The following CNTNAP2 variants were observed in gnomAD, a reference collection of about 807,000 sequenced individuals.
CNTNAP2 encodes the protein contactin-associated protein-like 2.
CNTNAP2 carries 98 observed loss-of-function variants against 155.2 expected under a neutral mutation model. The ratio of observed to expected loss-of-function variants is 0.63; its 90% CI spans 0.54 to 0.75. The LOEUF is 0.75. Ranked by LOEUF, CNTNAP2 falls within the 30% of genes least tolerant of loss-of-function variation. CNTNAP2 has a pLI of 0.00. For synonymous variants in CNTNAP2, 651 were observed against 631.2 expected, an observed-to-expected ratio of 1.03 and a Z score of -0.47; for missense variants, 1,727 against 1,688.1, an observed-to-expected ratio of 1.02 and a Z score of -0.40.
chr7:146,337,914 A>G (rs187593130), intron 1 of CNTNAP2, among the ~76,000 whole-genome samples: 1 of 152,354 alleles, frequency 6.6e-6, no homozygotes, highest in Non-Finnish European at 1.5e-5. Context: ...ACAGCCAAAG[A>G]CAGGTATTTG....
chr7:146,640,972 A>G lies in CNTNAP2; in HGVS notation c.98-133299A>G, dbSNP rs73166325. ...TTAGGGAGAAAATGCCTAAAATGTG[A>G]ATAAGTAAAAGCCTAACAAGAAATA... On this transcript the variant is annotated intron_variant, in intron 1 of 23. Coordinates refer to ENST00000361727, the MANE Select transcript of CNTNAP2 (RefSeq NM_014141.6). Among the ~76,000 whole-genome samples the G allele has an allele frequency of 4.6e-3, 695 of 152,302 alleles. 4 individuals are homozygous for G. Among genetic ancestry groups the G allele is most frequent in the Non-Finnish European group, 8.0e-3 (543 of 68,010 alleles).
At chr7:147,425,476 T>C (rs994136469) in intron 10 of CNTNAP2, among the ~76,000 whole-genome samples, 2 of 137,918 alleles carry the variant, frequency 1.5e-5, no homozygotes, top group African/African-American at 6.0e-5. Context: ...TCAACTCTCC[T>C]GAAAAACCCC....
At chr7:146,830,024 G>C (rs559596517) in intron 2 of CNTNAP2, among the ~76,000 whole-genome samples, 1 of 151,946 alleles carries the variant, frequency 6.6e-6, no homozygotes, top group South Asian at 2.1e-4. Context: ...TAACAAAAAT[G>C]AATATTTTTG....
chr7:147,189,788 A>G (rs1260764707), intron 8 of CNTNAP2, among the ~76,000 whole-genome samples: 4 of 152,088 alleles, frequency 2.6e-5, no homozygotes, highest in African/African-American at 7.2e-5. Context: ...TCTGTCGCCC[A>G]GGCTGGAGTG....
intron 14 of CNTNAP2, among the ~76,000 whole-genome samples, chr7:147,916,887 C>A (rs1395738039): frequency 6.6e-6 from 1 of 152,104 alleles, no homozygotes; most frequent in Non-Finnish European, 1.5e-5. Context: ...CCTCCCATTA[C>A]CCCCTCTTGA....
intron 8 of CNTNAP2, among the ~76,000 whole-genome samples, chr7:147,227,934 G>A (rs1803585596): frequency 6.6e-6 from 1 of 152,274 alleles, no homozygotes; most frequent in Admixed American, 6.5e-5. Flanking sequence ...GAAAGTCTGA[G>A]GCTGATCTTC....
intron 3 of CNTNAP2, among the ~76,000 whole-genome samples, chr7:146,870,116 C>A (rs540993922): frequency 8.5e-5 from 13 of 152,052 alleles, no homozygotes; most frequent in African/African-American, 3.1e-4. Flanking sequence ...GGGAGGAGTT[C>A]TCCCTCCTCA....
intron 14 of CNTNAP2, among the ~76,000 whole-genome samples, chr7:147,909,788 G>A (rs1444958157): frequency 6.6e-6 from 1 of 152,130 alleles, no homozygotes; most frequent in Non-Finnish European, 1.5e-5. Flanking sequence ...CATTGCGTGA[G>A]TACCCTTCTC....
intron 22 of CNTNAP2, among the ~76,000 whole-genome samples, chr7:148,385,731 G>A (rs980282486): frequency 7.2e-6 from 1 of 139,062 alleles, no homozygotes; most frequent in African/African-American, 2.7e-5. Flanking sequence ...CTTTGAGTGT[G>A]ACAGGTTTTT....
intron 21 of CNTNAP2, among the ~76,000 whole-genome samples, chr7:148,329,380 G>T (rs141608859): frequency 1.6e-4 from 25 of 152,300 alleles, no homozygotes; most frequent in African/African-American, 5.5e-4. Context: ...TTCACTGTTT[G>T]TTCATTCCTC....
At chr7:146,162,946 G>C (rs1254440353) in intron 1 of CNTNAP2, among the ~76,000 whole-genome samples, 2 of 152,104 alleles carry the variant, frequency 1.3e-5, no homozygotes, top group East Asian at 3.9e-4. Context: ...TCATAGGTGG[G>C]AATTGAACAA....
chr7:148,091,509 C>T lies in CNTNAP2; in HGVS notation c.2384-26609C>T, dbSNP rs145251972. Among the ~76,000 whole-genome samples the T allele has an allele frequency of 4.9e-3, 739 of 152,138 alleles. 1 individual carries two copies. The highest frequency in any genetic ancestry group is 9.4e-3 in the Admixed American group (143 of 15,280). On this transcript the variant is annotated intron_variant, in intron 15 of 23. Coordinates refer to ENST00000361727, the MANE Select transcript of CNTNAP2 (RefSeq NM_014141.6). ...TGGCTGATGTATGGTCCAGAGAAGG[C>T]GATGCATATGGGACAAAATCATGAA...
rs1246367913 is a variant in CNTNAP2, at chr7:147,526,160, C to A, written c.1778-35978C>A. On this transcript the variant is annotated intron_variant, in intron 11 of 23. Transcript: ENST00000361727. ...TGAGCCGAGATCACCCCACTGCACT[C>A]CAGCCTGGGAGACAGAGTGAGACTC... 3.5e-4 allele frequency among the ~76,000 whole-genome samples: 53 copies of A among 149,954 alleles called. 1 individual carries two copies. The highest frequency in any genetic ancestry group is 4.4e-5 in the Non-Finnish European group (3 of 67,652).
chr7:146,925,667 T>C (rs1374301859), intron 3 of CNTNAP2, among the ~76,000 whole-genome samples: 1 of 152,094 alleles, frequency 6.6e-6, no homozygotes, highest in Non-Finnish European at 1.5e-5. Flanking sequence ...TCAGAGCAAA[T>C]AACATTAAAA....
intron 3 of CNTNAP2, among the ~76,000 whole-genome samples, chr7:146,952,656 C>G (rs913599142): frequency 3.9e-5 from 6 of 152,108 alleles, no homozygotes; most frequent in Admixed American, 3.9e-4. Context: ...AGAGCCAAAT[C>G]ATGAGTGAAC....
At chr7:146,952,852 C>T (rs1797350288) in intron 3 of CNTNAP2, among the ~76,000 whole-genome samples, 1 of 151,904 alleles carries the variant, frequency 6.6e-6, no homozygotes, top group African/African-American at 2.4e-5. Context: ...ATTTTCATTC[C>T]TCTAGTACAA....
At chr7:146,665,728 C>T (rs1256639713) in intron 1 of CNTNAP2, among the ~76,000 whole-genome samples, 1 of 134,192 alleles carries the variant, frequency 7.5e-6, no homozygotes, top group Admixed American at 7.9e-5. Context: ...TGGCAGTGAG[C>T]CGAGACTGTG....
chr7:147,280,265 C>G (rs1805002875), intron 8 of CNTNAP2, among the ~76,000 whole-genome samples: 1 of 151,800 alleles, frequency 6.6e-6, no homozygotes, highest in Non-Finnish European at 1.5e-5. Flanking sequence ...AATTAAACAA[C>G]TGAGGCTTTT....
chr7:147,886,694 A>G (rs1799606262), intron 13 of CNTNAP2, among the ~76,000 whole-genome samples: 2 of 152,166 alleles, frequency 1.3e-5, no homozygotes, highest in South Asian at 4.2e-4. Context: ...GGCACTACAT[A>G]TCAGTGGCAC....
Sources: allele counts gnomAD v4.1 joint callset (sites outside exome capture counted in the v4.1 genomes callset), GRCh38; gene constraint gnomAD v4.1.1; transcripts MANE v1.5; gene names NCBI Gene and HGNC (gene_info 2026-07-23, HGNC 2026-07-21).